GABBR2: variants seen among roughly 807,000 people sequenced by gnomAD.
GABBR2 encodes the protein gamma-aminobutyric acid type B receptor subunit 2.
In GABBR2, 23 loss-of-function variants were observed where a neutral mutation model predicts 105.6. That is an observed-to-expected ratio of 0.22 (90% CI 0.16 to 0.31). GABBR2 has a LOEUF of 0.31. GABBR2 is among the 10% of genes least tolerant of loss of function. The probability of loss-of-function intolerance (pLI) is 1.00; values close to 1 mark genes in which losing one functional copy is unlikely to be tolerated. For missense variants in GABBR2, 734 were observed against 1,245.5 expected, an observed-to-expected ratio of 0.59 and a Z score of 6.18; for synonymous variants, 478 against 499.7, an observed-to-expected ratio of 0.96 and a Z score of 0.58.
At chr9:98,528,965 C>T (rs1242970459) in intron 3 of GABBR2, among the ~76,000 whole-genome samples, 1 of 152,090 alleles carries the variant, frequency 6.6e-6, no homozygotes, top group Non-Finnish European at 1.5e-5. Flanking sequence ...TATGAGTTTA[C>T]TGCATTATTT....
intron 11 of GABBR2, among the ~76,000 whole-genome samples, chr9:98,381,655 G>A (rs528232876): frequency 6.6e-6 from 1 of 152,202 alleles, no homozygotes; most frequent in Non-Finnish European, 1.5e-5. Context: ...CCACAGTCAT[G>A]CATGTGGACT....
chr9:98,532,432 A>C (rs1391580087), intron 3 of GABBR2, among the ~76,000 whole-genome samples: 1 of 152,240 alleles, frequency 6.6e-6, no homozygotes, highest in East Asian at 1.9e-4. Context: ...TACCATTAGG[A>C]TTAGAATCTG....
chr9:98,458,509 GCCTGGCCAA>G (rs1240533362), intron 6 of GABBR2, among the ~76,000 whole-genome samples: 5 of 152,188 alleles, frequency 3.3e-5, no homozygotes, highest in Non-Finnish European at 5.9e-5. Flanking sequence ...TTCAAGACCA[GCCTGGCCAA>G]CCTGGCAAAA....
intron 4 of GABBR2, among the ~76,000 whole-genome samples, chr9:98,494,225 G>A (rs903680831): frequency 8.5e-5 from 13 of 152,152 alleles, no homozygotes; most frequent in African/African-American, 1.2e-4. Flanking sequence ...ATACTTTGTC[G>A]CAGCAGTCCC....
chr9:98,681,681 AT>A (rs1221879783), intron 1 of GABBR2, among the ~76,000 whole-genome samples: 19 of 152,308 alleles, frequency 1.2e-4, no homozygotes, highest in East Asian at 9.6e-4. Context: ...CCTAAAAATT[AT>A]TTTTTATAAA....
At chr9:98,506,414 G>A (rs1273545889) in intron 3 of GABBR2, among the ~76,000 whole-genome samples, 2 of 152,206 alleles carry the variant, frequency 1.3e-5, no homozygotes, top group Non-Finnish European at 2.9e-5. Context: ...TGCTGAGGCT[G>A]CACCATGGCC....
rs535149999 is a variant in GABBR2 at position 98,468,571 on chromosome 9, A to G, written c.999+4575T>C. ...CTAATGCAAGAAACCCATGATGAAC[A>G]TAACATCAAAAATTTAAATACAGAA... On this transcript the variant is annotated intron_variant, in intron 6 of 18. Transcript: ENST00000259455. 3.0e-4 allele frequency among the ~76,000 whole-genome samples: 46 copies of G among 152,368 alleles called. 1 individual carries two copies. In the South Asian group the frequency reaches 9.1e-3, roughly 30 times the overall value.
chr9:98,544,759 C>T (rs996193654), intron 2 of GABBR2, among the ~76,000 whole-genome samples: 1 of 152,196 alleles, frequency 6.6e-6, no homozygotes, highest in Non-Finnish European at 1.5e-5. Context: ...CAGACATGCA[C>T]ATTTTTCTGA....
intron 7 of GABBR2, among the ~76,000 whole-genome samples, chr9:98,436,604 T>C (rs1339669358): frequency 6.6e-6 from 1 of 150,802 alleles, no homozygotes; most frequent in Non-Finnish European, 1.5e-5. Context: ...GGGGACAGCA[T>C]GCAACCTTGA....
In GABBR2 at chr9:98,368,404, C is replaced by T. The variant is rs528654503; in HGVS notation, c.1770+3060G>A. ...CTCAGATAAGCCTCCTCCCTGGATG[C>T]CTGGACCCACTGCAAGCCTGAGCTC... On this transcript the variant is annotated intron_variant, in intron 12 of 18. Transcript: ENST00000259455. Among the ~76,000 whole-genome samples, 9 of 152,116 alleles carry T rather than the reference C, an allele frequency of 5.9e-5. No homozygotes were observed. The East Asian group carries it at 1.5e-3, about 26-fold the overall frequency.
At chr9:98,324,244 C>G (rs1830878149) in intron 13 of GABBR2, among the ~76,000 whole-genome samples, 1 of 152,186 alleles carries the variant, frequency 6.6e-6, no homozygotes, top group African/African-American at 2.4e-5. Context: ...TCAAGTGTTC[C>G]TTCTCCTGTT....
intron 13 of GABBR2, among the ~76,000 whole-genome samples, chr9:98,355,059 T>G (rs962448240): frequency 6.6e-6 from 1 of 152,044 alleles, no homozygotes; most frequent in Non-Finnish European, 1.5e-5. Flanking sequence ...ACTTCAATAT[T>G]GTGTCTTAGA....
intron 13 of GABBR2, among the ~76,000 whole-genome samples, chr9:98,344,001 C>G (rs1314296443): frequency 6.6e-6 from 1 of 152,190 alleles, no homozygotes; most frequent in East Asian, 1.9e-4. Context: ...CTCCTTGAAA[C>G]ACTTTCTTCA....
chr9:98,465,614 A>G (rs1564080270), intron 6 of GABBR2, among the ~76,000 whole-genome samples: 1 of 152,248 alleles, frequency 6.6e-6, no homozygotes, highest in Non-Finnish European at 1.5e-5. Context: ...TTGTAGCTAC[A>G]AACATTCTAT....
intron 2 of GABBR2, among the ~76,000 whole-genome samples, chr9:98,563,329 A>T (rs1267110626): frequency 2.0e-5 from 3 of 152,184 alleles, no homozygotes; most frequent in African/African-American, 4.8e-5. Context: ...CGCTGCCTCG[A>T]CTTCACAGAG....
At chr9:98,479,381 G>A (rs1826864505) in intron 5 of GABBR2, among the ~76,000 whole-genome samples, 3 of 152,168 alleles carry the variant, frequency 2.0e-5, no homozygotes, top group African/African-American at 7.2e-5. Flanking sequence ...TTACAGATGA[G>A]AAACTGGGGC....
intron 1 of GABBR2, among the ~76,000 whole-genome samples, chr9:98,696,426 G>A (rs1564154212): frequency 6.6e-6 from 1 of 152,194 alleles, no homozygotes; most frequent in East Asian, 1.9e-4. Context: ...GAACAATGGT[G>A]AGTCCCTGCA....
intron 2 of GABBR2, among the ~76,000 whole-genome samples, chr9:98,556,193 G>T (rs1364353770): frequency 6.6e-6 from 1 of 152,154 alleles, no homozygotes; most frequent in Admixed American, 6.5e-5. Flanking sequence ...AGCTCTGAGC[G>T]GCAGACTCGT....
intron 7 of GABBR2, among the ~76,000 whole-genome samples, chr9:98,449,839 C>G (rs1826201991): frequency 6.6e-6 from 1 of 152,156 alleles, no homozygotes; most frequent in Non-Finnish European, 1.5e-5. Flanking sequence ...AATCCCAGGG[C>G]TGAACATCAG....
Sources: allele counts gnomAD v4.1 joint callset (sites outside exome capture counted in the v4.1 genomes callset), GRCh38; gene constraint gnomAD v4.1.1; transcripts MANE v1.5; gene names NCBI Gene and HGNC (gene_info 2026-07-23, HGNC 2026-07-21).